Variants in ZNF385D observed in about 807,000 individuals in gnomAD.
ZNF385D encodes zinc finger protein 385D.
Under a neutral mutation model 35.8 loss-of-function variants are expected in ZNF385D, and 15 were observed. The ratio of observed to expected loss-of-function variants is 0.42; its 90% CI spans 0.28 to 0.64. ZNF385D has a LOEUF of 0.64. Among genes scored for constraint, ZNF385D ranks in the 30% least tolerant of loss-of-function variants. ZNF385D has a pLI of 0.23. For synonymous variants in ZNF385D, 212 were observed against 186.8 expected (o/e 1.13, Z -1.10); for missense variants, 474 against 494.6 (o/e 0.96, Z 0.39).
At chr3:22,254,697 G>A (rs188425133) in intron 2 of ZNF385D, among the ~76,000 whole-genome samples, 2 of 151,722 alleles carry the variant, frequency 1.3e-5, no homozygotes, top group Admixed American at 6.6e-5. Context: ...GCACAGGAAG[G>A]GATTAACAAC....
In ZNF385D at chr3:21,418,700, G is replaced by A. The variant is rs1183104551; in HGVS notation, c.*2514C>T. 2 of 152,144 alleles carry A rather than the reference G, an allele frequency of 1.3e-5. No individual in the cohort carries two copies. The highest frequency in any genetic ancestry group is 6.5e-5 in the Admixed American group (1 of 15,274). 9.4% of individuals were successfully genotyped at this position (152,144 alleles called of 1,614,324 possible). Reference sequence around the variant, plus strand: ...AGTGGACTGGCTCATTCACTTTGGTGAAAATGGGAAAGAACAGCAAAAGCA... The same window carrying A: ...AGTGGACTGGCTCATTCACTTTGGTAAAAATGGGAAAGAACAGCAAAAGCA... On this transcript the variant is annotated 3_prime_UTR_variant, in exon 8 of 8. Coordinates refer to ENST00000281523, the MANE Select transcript of ZNF385D (RefSeq NM_024697.3).
chr3:21,831,865 C>T (rs1341703331), intron 3 of ZNF385D, among the ~76,000 whole-genome samples: 1 of 152,054 alleles, frequency 6.6e-6, no homozygotes, highest in Admixed American at 6.6e-5. Context: ...GTACTGATAT[C>T]AAAATAAGCT....
intron 1 of ZNF385D, among the ~76,000 whole-genome samples, chr3:21,733,626 G>A (rs1436823823): frequency 6.6e-6 from 1 of 151,998 alleles, no homozygotes. Flanking sequence ...TTTCTCTTTT[G>A]TGATTCTGGG....
At chr3:21,721,441 T>A (rs1312620523) in intron 1 of ZNF385D, among the ~76,000 whole-genome samples, 1 of 151,828 alleles carries the variant, frequency 6.6e-6, no homozygotes, top group African/African-American at 2.4e-5. Flanking sequence ...AGCATCAACA[T>A]TTGGCAGATC....
intron 2 of ZNF385D, among the ~76,000 whole-genome samples, chr3:22,262,916 C>T (rs1242098105): frequency 1.3e-5 from 2 of 151,964 alleles, no homozygotes; most frequent in Non-Finnish European, 2.9e-5. Flanking sequence ...CTTACCCAGG[C>T]ACAGGTGCCT....
chr3:22,180,598 G>T (rs2125778248), intron 2 of ZNF385D, among the ~76,000 whole-genome samples: 1 of 152,224 alleles, frequency 6.6e-6, no homozygotes, highest in South Asian at 2.1e-4. Context: ...TGATCAAGTG[G>T]GCTTCATCCC....
intron 1 of ZNF385D, among the ~76,000 whole-genome samples, chr3:21,705,299 C>T (rs2067855201): frequency 6.6e-6 from 1 of 152,116 alleles, no homozygotes; most frequent in South Asian, 2.1e-4. Context: ...AATATCAATA[C>T]CCTGGACTAA....
At chr3:21,497,177 G>T (rs1259475713) in intron 4 of ZNF385D, among the ~76,000 whole-genome samples, 1 of 152,016 alleles carries the variant, frequency 6.6e-6, no homozygotes, top group African/African-American at 2.4e-5. Flanking sequence ...AAAGCTCCTA[G>T]ATCTAACAAC....
chr3:22,197,076 C>G (rs1369151092), intron 2 of ZNF385D, among the ~76,000 whole-genome samples: 1 of 152,038 alleles, frequency 6.6e-6, no homozygotes, highest in Non-Finnish European at 1.5e-5. Flanking sequence ...TCAGCTTTCA[C>G]ATAATTTTTC....
intron 3 of ZNF385D, among the ~76,000 whole-genome samples, chr3:21,823,194 G>A (rs969810338): frequency 6.6e-6 from 1 of 152,080 alleles, no homozygotes; most frequent in Non-Finnish European, 1.5e-5. Context: ...AAAAGACTGT[G>A]TAATTAGAGA....
rs776632373 is a variant in ZNF385D, at chr3:21,797,218, TA to T, written c.326-132191del. Among the ~76,000 whole-genome samples, 5 of 152,044 alleles carry T rather than the reference TA, an allele frequency of 3.3e-5. No homozygotes were observed. The East Asian group carries it at 7.7e-4, about 23-fold the overall frequency. On this transcript the variant is annotated intron_variant, in intron 3 of 5. Coordinates refer to the ZNF385D transcript ENST00000494108. ...GCAAAGAATACATACAAATGACAAA[TA>T]AGCCAATGAAAAGATTCTTCACATT...
intron 3 of ZNF385D, among the ~76,000 whole-genome samples, chr3:22,039,342 C>T (rs980678811): frequency 6.6e-6 from 1 of 151,446 alleles, no homozygotes; most frequent in Non-Finnish European, 1.5e-5. Context: ...TGTCAACTTC[C>T]TAAAATCAGG....
chr3:22,215,911 C>T (rs377242081), intron 2 of ZNF385D, among the ~76,000 whole-genome samples: 5 of 151,944 alleles, frequency 3.3e-5, no homozygotes, highest in East Asian at 1.9e-4. Flanking sequence ...TCAGACCGGC[C>T]GACACTTAAG....
At chr3:21,797,805 ATGGAGAT>A (rs2072219880) in intron 3 of ZNF385D, among the ~76,000 whole-genome samples, 1 of 152,150 alleles carries the variant, frequency 6.6e-6, no homozygotes, top group Non-Finnish European at 1.5e-5. Flanking sequence ...AGGAAAAACT[ATGGAGAT>A]AGTGAAAGAT....
rs773952386 is a variant in ZNF385D at position 22,008,360 on chromosome 3, C to CATTTTTTTTTTTTTTTTTTT, written c.325+160456_325+160457insAAAAAAAAAAAAAAAAAAAT. Reference sequence around the variant, plus strand: ...TCACTTTCATACAGGCCATGATTTTCTTTTTTTTTTTTGAGGCGGAGTCTC... The same window carrying CATTTTTTTTTTTTTTTTTTT: ...TCACTTTCATACAGGCCATGATTTTCATTTTTTTTTTTTTTTTTTTTTTTTTTTTTTTGAGGCGGAGTCTC... On this transcript the variant is annotated intron_variant, in intron 3 of 5. Coordinates refer to the ZNF385D transcript ENST00000494108. 1.5e-5 allele frequency among the ~76,000 whole-genome samples: 2 copies of CATTTTTTTTTTTTTTTTTTT among 131,938 alleles called. 1 individual carries two copies. 86.6% of individuals were successfully genotyped at this position (131,938 alleles called of 152,430 possible). A position where few individuals can be genotyped will look rare whatever the true frequency, so the allele number is the denominator to read the frequency against.
intron 3 of ZNF385D, among the ~76,000 whole-genome samples, chr3:21,933,534 T>A (rs1230582557): frequency 6.6e-6 from 1 of 152,166 alleles, no homozygotes; most frequent in Admixed American, 6.5e-5. Context: ...CAGGACCAGG[T>A]CCCTAGATCT....
intron 2 of ZNF385D, among the ~76,000 whole-genome samples, chr3:22,319,821 T>G (rs1336465378): frequency 1.5e-4 from 23 of 152,348 alleles, no homozygotes; most frequent in Admixed American, 1.5e-3. Flanking sequence ...TGAAAGGGGT[T>G]GACTTTGAAT....
chr3:22,352,093 T>C (rs777138406), intron 2 of ZNF385D, among the ~76,000 whole-genome samples: 1 of 152,166 alleles, frequency 6.6e-6, no homozygotes, highest in African/African-American at 2.4e-5. Flanking sequence ...TCCAGCAATA[T>C]GATGGGTATC....
At chr3:21,427,810 C>G (rs1235224663) in intron 5 of ZNF385D, among the ~76,000 whole-genome samples, 2 of 152,110 alleles carry the variant, frequency 1.3e-5, no homozygotes, top group Non-Finnish European at 2.9e-5. Flanking sequence ...AGTATAGTCT[C>G]TCCATAGAAG....
Sources: gnomAD v4.1 joint callset for allele counts (sites outside exome capture counted in the v4.1 genomes callset) on GRCh38, gnomAD v4.1.1 for gene constraint, MANE v1.5 for transcripts, NCBI Gene and HGNC (gene_info 2026-07-23, HGNC 2026-07-21) for gene names.